CDH2: variants seen among roughly 807,000 people sequenced by gnomAD.
CDH2 encodes cadherin-2.
A neutral mutation model predicts 92.0 loss-of-function variants in CDH2; 17 were observed. That is an observed-to-expected ratio of 0.18 (90% CI 0.13 to 0.28). The LOEUF is 0.28. Ranked by LOEUF, CDH2 falls within the 10% of genes least tolerant of loss-of-function variation. CDH2 has a pLI of 1.00. For missense variants in CDH2, 862 were observed against 1,133.1 expected (o/e 0.76, Z 3.44); for synonymous variants, 419 against 415.9 (o/e 1.01, Z -0.09).
chr18:28,131,835 C>T (rs1299662873), intron 2 of CDH2, among the ~76,000 whole-genome samples: 3 of 152,260 alleles, frequency 2.0e-5, no homozygotes, highest in Non-Finnish European at 4.4e-5. Flanking sequence ...AAAAATATTT[C>T]CATACTATTC....
intron 2 of CDH2, among the ~76,000 whole-genome samples, chr18:28,093,296 CA>C (rs1169382651): frequency 6.6e-6 from 1 of 152,040 alleles, no homozygotes; most frequent in African/African-American, 2.4e-5. Flanking sequence ...ACCTCTGAAT[CA>C]GATAAATAAA....
At chr18:27,956,462 G>T (rs755299805) in intron 15 of CDH2, among the ~76,000 whole-genome samples, 3 of 152,166 alleles carry the variant, frequency 2.0e-5, no homozygotes, top group Non-Finnish European at 4.4e-5. Flanking sequence ...ATTATCCAGC[G>T]AGGAACACAT....
intron 5 of CDH2, among the ~76,000 whole-genome samples, chr18:28,006,796 A>G (rs1195136170): frequency 1.3e-5 from 2 of 151,958 alleles, no homozygotes; most frequent in African/African-American, 2.4e-5. Context: ...TAATCTAGAA[A>G]GAAGTGTACA....
chr18:28,010,576 C>T (rs750218653), intron 4 of CDH2, among the ~76,000 whole-genome samples: 1 of 151,802 alleles, frequency 6.6e-6, no homozygotes, highest in Non-Finnish European at 1.5e-5. Context: ...ACAGAACAGG[C>T]TATGGAAGGG....
At chr18:28,130,128 T>G (rs912079539) in intron 2 of CDH2, among the ~76,000 whole-genome samples, 1 of 152,182 alleles carries the variant, frequency 6.6e-6, no homozygotes, top group Non-Finnish European at 1.5e-5. Context: ...CATTTTCATG[T>G]CTAGGATACA....
At chr18:28,015,860 T>C (rs551322675) in intron 2 of CDH2, among the ~76,000 whole-genome samples, 1 of 152,244 alleles carries the variant, frequency 6.6e-6, no homozygotes, top group African/African-American at 2.4e-5. Context: ...TAACCTAGAG[T>C]ACAATGCTCT....
intron 2 of CDH2, among the ~76,000 whole-genome samples, chr18:28,066,132 G>T (rs17468608): frequency 6.6e-6 from 1 of 152,254 alleles, no homozygotes; most frequent in Non-Finnish European, 1.5e-5. Flanking sequence ...TTGAAAAGTT[G>T]TTGGTAAGTA....
chr18:28,125,954 A>C (rs1379076996), intron 2 of CDH2, among the ~76,000 whole-genome samples: 7 of 152,176 alleles, frequency 4.6e-5, no homozygotes, highest in African/African-American at 1.4e-4. Context: ...AGAAATATGA[A>C]AGCTTACCTC....
intron 2 of CDH2, among the ~76,000 whole-genome samples, chr18:28,098,004 C>T (rs2015165281): frequency 6.6e-6 from 1 of 151,918 alleles, no homozygotes. Context: ...TATCCTGTGT[C>T]CCAAAATTTC....
At chr18:28,046,832 T>C (rs766205793) in intron 2 of CDH2, among the ~76,000 whole-genome samples, 24 of 152,236 alleles carry the variant, frequency 1.6e-4, no homozygotes, top group Non-Finnish European at 3.5e-4. Context: ...ATAATTTTGC[T>C]TTTCAGATTT....
At chr18:28,175,894 T>A (rs1292399000) in intron 1 of CDH2, among the ~76,000 whole-genome samples, 1 of 152,102 alleles carries the variant, frequency 6.6e-6, no homozygotes, top group East Asian at 1.9e-4. Flanking sequence ...GGAGACCGAC[T>A]TGGGACCAGG....
chr18:27,952,591 G>C (rs927247339), intron 15 of CDH2, among the ~76,000 whole-genome samples: 1 of 152,100 alleles, frequency 6.6e-6, no homozygotes, highest in African/African-American at 2.4e-5. Flanking sequence ...GTCAAGCTCA[G>C]GGAGGCCAAG....
At chr18:27,943,764 C>T (rs144767700) in intron 6 of CDH2, among the ~76,000 whole-genome samples, 115 of 152,240 alleles carry the variant, frequency 7.6e-4, no homozygotes, top group African/African-American at 2.2e-3. Flanking sequence ...TGGTTCAACG[C>T]AGTCTCTGAG....
chr18:28,066,250 A>G (rs2014504564), intron 2 of CDH2, among the ~76,000 whole-genome samples: 2 of 152,210 alleles, frequency 1.3e-5, no homozygotes, highest in African/African-American at 2.4e-5. Flanking sequence ...CACTTACTAA[A>G]TATAAAATAA....
chr18:28,170,283 T>C (rs1472567065), intron 1 of CDH2, among the ~76,000 whole-genome samples: 2 of 152,230 alleles, frequency 1.3e-5, no homozygotes, highest in Admixed American at 6.5e-5. Flanking sequence ...GTGGTCTGTG[T>C]CAAATTAATC....
intron 14 of CDH2, among the ~76,000 whole-genome samples, chr18:27,981,091 T>A (rs2012036966): frequency 6.6e-6 from 1 of 152,118 alleles, no homozygotes; most frequent in African/African-American, 2.4e-5. Context: ...ATACGAGAAT[T>A]TTCTTGGTTC....
chr18:28,119,964 C>T (rs1432657791), intron 2 of CDH2, among the ~76,000 whole-genome samples: 2 of 152,010 alleles, frequency 1.3e-5, no homozygotes, highest in African/African-American at 4.8e-5. Context: ...ATGAAGGAAT[C>T]GGGATCCCTG....
intron 14 of CDH2, among the ~76,000 whole-genome samples, chr18:27,981,464 G>A (rs1197206525): frequency 6.6e-6 from 1 of 152,148 alleles, no homozygotes; most frequent in Non-Finnish European, 1.5e-5. Context: ...AGTTTTCAAC[G>A]TACTTTAAAT....
chr18:28,072,372 A>G (rs2014635158), intron 2 of CDH2, among the ~76,000 whole-genome samples: 1 of 151,772 alleles, frequency 6.6e-6, no homozygotes, highest in Non-Finnish European at 1.5e-5. Context: ...GCCTGTATTC[A>G]TGTGGCTCTG....
Sources: allele counts gnomAD v4.1 joint callset (sites outside exome capture counted in the v4.1 genomes callset), GRCh38; gene constraint gnomAD v4.1.1; transcripts MANE v1.5; gene names NCBI Gene and HGNC (gene_info 2026-07-23, HGNC 2026-07-21).